Variants in PSD3 observed in about 807,000 individuals in gnomAD.
The protein encoded by PSD3 is PH and SEC7 domain-containing protein 3.
A neutral mutation model predicts 105.5 loss-of-function variants in PSD3; 49 were observed. That is an observed-to-expected ratio of 0.46 (90% CI 0.37 to 0.59). The LOEUF is 0.59. PSD3 is among the 20% of genes least tolerant of loss of function. The pLI, the probability that PSD3 is intolerant of heterozygous loss-of-function variation, is 0.00. For synonymous variants in PSD3, 557 were observed against 457.8 expected (o/e 1.22, Z -2.77); for missense variants, 1,561 against 1,263.8 (o/e 1.24, Z -3.57).
chr8:18,868,923 C>A (rs1487630964), intron 3 of PSD3, among the ~76,000 whole-genome samples: 2 of 152,170 alleles, frequency 1.3e-5, no homozygotes, highest in East Asian at 3.9e-4. Context: ...TACTTAACCT[C>A]TCTGAGCCTC....
chr8:18,812,772 A>G (rs573216377), intron 4 of PSD3, among the ~76,000 whole-genome samples: 11 of 152,322 alleles, frequency 7.2e-5, no homozygotes, highest in African/African-American at 2.2e-4. Flanking sequence ...CAGGAAAGAC[A>G]CGTGCCAGGG....
intron 4 of PSD3, among the ~76,000 whole-genome samples, chr8:18,862,214 G>C (rs1271928282): frequency 3.3e-5 from 5 of 152,040 alleles, no homozygotes; most frequent in African/African-American, 7.2e-5. Context: ...TTACGAGATA[G>C]GTATTATTCA....
exon 1 of PSD3, chr8:19,084,441 C>T (rs1016920267): frequency 4.8e-5 from 22 of 456,072 alleles, no homozygotes; most frequent in Middle Eastern, 6.5e-4. Context: ...ATCCCTGCAT[C>T]GGGGGTCCAT....
chr8:18,952,165 A>G (rs1823277872), intron 1 of PSD3, among the ~76,000 whole-genome samples: 1 of 152,158 alleles, frequency 6.6e-6, no homozygotes, highest in Non-Finnish European at 1.5e-5. Context: ...GGTGTCCTCA[A>G]TTTCATAGTT....
At chr8:18,838,018 C>A (rs1814268461) in intron 4 of PSD3, among the ~76,000 whole-genome samples, 2 of 152,150 alleles carry the variant, frequency 1.3e-5, no homozygotes, top group South Asian at 4.1e-4. Flanking sequence ...CGTGTACAGA[C>A]ACAGCTCCCT....
intron 4 of PSD3, among the ~76,000 whole-genome samples, chr8:18,814,688 C>G (rs1051649271): frequency 6.6e-6 from 1 of 152,134 alleles, no homozygotes; most frequent in Non-Finnish European, 1.5e-5. Context: ...AATGTATATG[C>G]TCATTGTTTG....
chr8:18,791,565 T>C (rs546142443), intron 8 of PSD3, among the ~76,000 whole-genome samples: 12 of 152,202 alleles, frequency 7.9e-5, no homozygotes, highest in South Asian at 2.1e-4. Flanking sequence ...TTACACCATA[T>C]ACAAAAATCG....
intron 1 of PSD3, among the ~76,000 whole-genome samples, chr8:19,012,607 A>T (rs775416098): frequency 1.3e-5 from 2 of 152,310 alleles, no homozygotes; most frequent in Non-Finnish European, 1.5e-5. Context: ...TAGCCTACGC[A>T]TAAGTCTCTC....
chr8:18,727,978 T>C (rs1803457594), intron 9 of PSD3, among the ~76,000 whole-genome samples: 1 of 152,100 alleles, frequency 6.6e-6, no homozygotes. Flanking sequence ...GATTTTTCAC[T>C]GTTATATCTT....
chr8:19,020,130 T>C (rs1181047954), intron 1 of PSD3, among the ~76,000 whole-genome samples: 3 of 152,228 alleles, frequency 2.0e-5, no homozygotes, highest in African/African-American at 7.2e-5. Context: ...GTGCTAGGTA[T>C]AGTTTACTGA....
intron 1 of PSD3, among the ~76,000 whole-genome samples, chr8:19,011,129 C>G (rs898730973): frequency 6.6e-6 from 1 of 152,110 alleles, no homozygotes; most frequent in Admixed American, 6.5e-5. Context: ...CCAACCCAAA[C>G]CCAAAGACAC....
chr8:18,902,057 A>T (rs1355707700), intron 2 of PSD3, among the ~76,000 whole-genome samples: 1 of 152,138 alleles, frequency 6.6e-6, no homozygotes, highest in Non-Finnish European at 1.5e-5. Context: ...ATTTATTTGG[A>T]GACTTTTGAG....
chr8:19,036,894 T>C (rs978272734), intron 1 of PSD3, among the ~76,000 whole-genome samples: 5 of 152,204 alleles, frequency 3.3e-5, no homozygotes, highest in African/African-American at 7.2e-5. Context: ...AAGGATGAAT[T>C]TGACTTCAAC....
At chr8:18,568,435 G>C (rs549754476) in intron 14 of PSD3, among the ~76,000 whole-genome samples, 3 of 152,248 alleles carry the variant, frequency 2.0e-5, no homozygotes, top group South Asian at 4.2e-4. Context: ...CAAGAAAGGA[G>C]TCTAAGAAGC....
intron 1 of PSD3, among the ~76,000 whole-genome samples, chr8:18,984,810 C>T (rs1011616649): frequency 6.6e-6 from 1 of 152,214 alleles, no homozygotes; most frequent in African/African-American, 2.4e-5. Flanking sequence ...GGCCAAGCTG[C>T]AGTGCACAAG....
intron 4 of PSD3, among the ~76,000 whole-genome samples, chr8:18,833,094 C>T (rs1425532907): frequency 6.6e-6 from 1 of 152,188 alleles, no homozygotes; most frequent in African/African-American, 2.4e-5. Flanking sequence ...TAAAATGTTA[C>T]TTTAAAGGAG....
At chr8:18,677,997 G>A (rs1444542562) in intron 9 of PSD3, among the ~76,000 whole-genome samples, 7 of 124,478 alleles carry the variant, frequency 5.6e-5, no homozygotes, top group South Asian at 2.7e-4. Context: ...GCAGCAGAGC[G>A]AGACTCTGTC....
chr8:18,784,054 T>C (rs1808889918), intron 8 of PSD3, among the ~76,000 whole-genome samples: 1 of 152,232 alleles, frequency 6.6e-6, no homozygotes, highest in African/African-American at 2.4e-5. Flanking sequence ...TATCATTCTA[T>C]TATGTCCAGA....
At chr8:18,675,170 C>T (rs1478075032) in intron 9 of PSD3, among the ~76,000 whole-genome samples, 1 of 152,104 alleles carries the variant, frequency 6.6e-6, no homozygotes, top group African/African-American at 2.4e-5. Flanking sequence ...TTTACTTATG[C>T]TGGGAGACCT....
Sources: allele counts gnomAD v4.1 joint callset (sites outside exome capture counted in the v4.1 genomes callset), GRCh38; gene constraint gnomAD v4.1.1; transcripts MANE v1.5; gene names NCBI Gene and HGNC (gene_info 2026-07-23, HGNC 2026-07-21).